Variants in ZNF222 observed in about 807,000 individuals in gnomAD.
ZNF222 encodes zinc finger protein 222.
A neutral mutation model predicts 11.6 loss-of-function variants in ZNF222; 8 were observed. That is an observed-to-expected ratio of 0.69 (90% CI 0.41 to 1.25). ZNF222 has a LOEUF of 1.25. Among genes scored for constraint, ZNF222 ranks in the 50% most tolerant of loss-of-function variants. The probability of loss-of-function intolerance (pLI) is 0.01; values close to 1 mark genes in which losing one functional copy is unlikely to be tolerated. For missense variants in ZNF222, 483 were observed against 576.1 expected, an observed-to-expected ratio of 0.84 and a Z score of 1.65; for synonymous variants, 171 against 195.6, an observed-to-expected ratio of 0.87 and a Z score of 1.05.
In ZNF222 at chr19:44,031,832, C is replaced by A; in HGVS notation, c.278C>A (p.Thr93Asn). 6.2e-7 allele frequency: 1 copy of A among 1,613,574 alleles called. No individual in the cohort carries two copies. Among genetic ancestry groups the A allele is most frequent in the African/African-American group, 1.3e-5 (1 of 74,990 alleles). ...GTCCTTATAGGAGGCAAGATCCAAA[C>A]TGAGATGGAGACTGTTCCAGAAGCA... ...REGNLGGKIQ[T>N]EMETVPEAGT... The change falls in exon 4 of 4, where the codon ACT (threonine) becomes AAT (asparagine). Residue 93 changes from threonine to asparagine, a missense_variant. Thr to Asn is a moderately conservative substitution (Grantham distance 65). Transcript: ENST00000391960.
At chr19:44,026,139 AGT>A (rs1306809125) in intron 1 of ZNF222, 2 of 1,578,278 alleles carry the variant, frequency 1.3e-6, no homozygotes, top group African/African-American at 2.7e-5. Context: ...CTCAACCGAG[AGT>A]GTGTAGGATT....
At chr19:44,026,633 C>T (rs769679138) in intron 1 of ZNF222, among the ~76,000 whole-genome samples, 18 of 150,970 alleles carry the variant, frequency 1.2e-4, no homozygotes, top group East Asian at 9.7e-4. Context: ...CTGTAACCTC[C>T]GCCTCTCGGG....
rs531380590 is a variant in ZNF222, at chr19:44,032,420, G to T, written c.866G>T (p.Arg289Ile). 144 of 1,614,106 alleles carry T rather than the reference G, an allele frequency of 8.9e-5. No homozygotes were observed. Among genetic ancestry groups the T allele is most frequent in the Non-Finnish European group, 1.1e-4 (133 of 1,180,042 alleles). Reference sequence around the variant, plus strand: ...AATTTCCAGCTTCAGAAACATCACAGAATTCATACTGGGGAGAAGCCATTC... The same window carrying T: ...AATTTCCAGCTTCAGAAACATCACATAATTCATACTGGGGAGAAGCCATTC... ...MHNFQLQKHH[R>I]IHTGEKPFKC... The change falls in exon 4 of 4, where the codon AGA (arginine) becomes ATA (isoleucine). Residue 289 changes from arginine to isoleucine, a missense_variant. Physicochemically the swap from Arg to Ile is moderately conservative, Grantham distance 97. Coordinates refer to ENST00000391960, the MANE Select transcript of ZNF222 (RefSeq NM_001129996.2).
At position 44,027,155 on chromosome 19, in the gene ZNF222, G is replaced by A; in HGVS notation, c.169+6G>A. On this transcript the variant is annotated splice_donor_region_variant and intron_variant, in intron 2 of 3. Coordinates refer to ENST00000391960, the MANE Select transcript of ZNF222 (RefSeq NM_001129996.2). The stretch of plus-strand genomic sequence containing the variant: ...CAGGAACCTGCTCTCAGTGGGTGAG[G>A]ACGGGCACCCCCTGTAATGGAATGT... 1.2e-6 allele frequency: 2 copies of A among 1,613,860 alleles called. No homozygotes were observed. Among genetic ancestry groups the A allele is most frequent in the Non-Finnish European group, 1.7e-6 (2 of 1,179,914 alleles).
At chr19:44,027,531 G>C (rs569741684) in intron 3 of ZNF222, 41 bp downstream of exon 3, 1 of 1,576,794 alleles carries the variant, frequency 6.3e-7, no homozygotes, top group East Asian at 2.2e-5. Flanking sequence ...TGTGATTCCT[G>C]TTACTTCTGT....
Position 44,027,207 on chromosome 19 carries a change from C to T in ZNF222, c.169+58C>T, listed in dbSNP as rs1976396959. On this transcript the variant is annotated intron_variant, in intron 2 of 3. Transcript: ENST00000391960. The stretch of plus-strand genomic sequence containing the variant: ...AGGCCCCAGGAGTGGTTTTTTAATC[C>T]TAGGGTTTTCAAGTTTGAGTGTGCA... 7.5e-6 allele frequency: 12 copies of T among 1,601,810 alleles called. No individual in the cohort carries two copies. In the South Asian group the frequency reaches 1.3e-4, roughly 18 times the overall value.
chr19:44,026,109 T>C (rs781514114), intron 1 of ZNF222: 2 of 1,613,046 alleles, frequency 1.2e-6, no homozygotes, highest in Non-Finnish European at 1.7e-6. Flanking sequence ...TGGCTTTTTT[T>C]CTTTGACAGA....
intron 1 of ZNF222, 92 bp from the exon 2 acceptor site, chr19:44,026,931 A>T: frequency 6.4e-7 from 1 of 1,570,202 alleles, no homozygotes; most frequent in South Asian, 1.2e-5. Flanking sequence ...ATCCAAAACA[A>T]CTTTACACTT....
chr19:44,031,965 T>C lies in ZNF222; in HGVS notation c.411T>C (p.Asp137=). 1 of 1,614,198 alleles carries C rather than the reference T, an allele frequency of 6.2e-7. No homozygotes were observed. Among genetic ancestry groups the C allele is most frequent in the Non-Finnish European group, 8.5e-7 (1 of 1,180,026 alleles). ...TISNSQLFEQ[D]DNPSQIKARL... is the part of the protein sequence containing the mutation. ...GTAACTCTCAGTTATTTGAACAAGA[T>C]GACAACCCCTCCCAGATTAAAGCAA... is the stretch of plus-strand genomic sequence containing the variant. Residue 137 remains aspartate (D), a synonymous_variant, in exon 4 of 4, where the codon GAT becomes GAC. Transcript: ENST00000391960.
chr19:44,032,344 A>G lies in ZNF222; in HGVS notation c.790A>G (p.Met264Val), dbSNP rs777047561. 1.1e-5 allele frequency: 18 copies of G among 1,614,100 alleles called. No homozygotes were observed. The highest frequency in any genetic ancestry group is 1.6e-4 in the Middle Eastern group (1 of 6,084). Residue 264 changes from methionine (M) to valine (V), a missense_variant, in exon 4 of 4, where the codon ATG becomes GTG. By Grantham distance (21) the Met-to-Val change is conservative. Coordinates refer to ENST00000391960, the MANE Select transcript of ZNF222 (RefSeq NM_001129996.2). ...SALKVHCKLH[M>V]REKPYNCEKC... ...ACTTAAAGTTCATTGCAAATTACAC[A>G]TGAGAGAGAAACCTTATAATTGTGA...
chr19:44,032,324 A>C lies in ZNF222; in HGVS notation c.770A>C (p.Lys257Thr). The part of the protein sequence containing the change: ...GKGFRCRSAL[K>T]VHCKLHMREK... ...GGCTTCAGATGTAGATCAGCACTTA[A>C]AGTTCATTGCAAATTACACATGAGA... Residue 257 changes from lysine (K) to threonine (T), a missense_variant, in exon 4 of 4, where the codon AAA (lysine) becomes ACA (threonine). Transcript: ENST00000391960. 6.2e-7 allele frequency: 1 copy of C among 1,614,156 alleles called. No homozygotes were observed. The highest frequency in any genetic ancestry group is 1.1e-5 in the South Asian group (1 of 91,082).
chr19:44,027,854 T>C (rs1051012174), intron 3 of ZNF222, among the ~76,000 whole-genome samples: 10 of 152,182 alleles, frequency 6.6e-5, no homozygotes, highest in African/African-American at 2.4e-4. Flanking sequence ...CCAGGCACCT[T>C]GTCCTCCCTG....
At chr19:44,031,506 G>A (rs571841430) in intron 3 of ZNF222, among the ~76,000 whole-genome samples, 6 of 152,108 alleles carry the variant, frequency 3.9e-5, no homozygotes, top group Admixed American at 1.3e-4. Flanking sequence ...GTTTTGAGAC[G>A]GAGTCTCACT....
rs934513735 is a variant in ZNF222 at position 44,025,697 on chromosome 19, G to A, written c.42+219G>A. Among the ~76,000 whole-genome samples, 6 of 99,580 alleles carry A rather than the reference G, an allele frequency of 6.0e-5. No homozygotes were observed. Among genetic ancestry groups the A allele is most frequent in the African/African-American group, 2.5e-4 (6 of 23,990 alleles). The allele number at this position is 99,580 out of a possible 152,430, so 65.3% of individuals were successfully genotyped here. A position where few individuals can be genotyped will look rare whatever the true frequency, so the allele number is the denominator to read the frequency against. ...TTTATCTTCCATTGCTGGTTCGTTT[G>A]TTTGTTTGTTTTGTAACGGGACTTT... On this transcript the variant is annotated intron_variant, in intron 1 of 3. Coordinates refer to ENST00000391960, the MANE Select transcript of ZNF222 (RefSeq NM_001129996.2). This position sits in a 1 kb window ranked among gnomAD's most constrained non-coding sequence, Gnocchi z 4.6.
intron 3 of ZNF222, 96 bp downstream of exon 3, chr19:44,027,586 T>C: frequency 8.5e-7 from 1 of 1,169,970 alleles, no homozygotes; most frequent in Non-Finnish European, 1.3e-6. Flanking sequence ...CAAACCTGTT[T>C]CCTGGATTAT....
chr19:44,031,584 G>T (rs554548890), intron 3 of ZNF222, among the ~76,000 whole-genome samples: 5 of 152,312 alleles, frequency 3.3e-5, no homozygotes, highest in African/African-American at 1.2e-4. Context: ...CTGGATTTAA[G>T]CGATTCTCCT....
Position 44,027,467 on chromosome 19 carries a change from C to T in ZNF222, c.239C>T (p.Thr80Ile), listed in dbSNP as rs772449815. ...REEKFWVMGTTSQREGNLGGK... is the reference protein window; with the variant it reads ...REEKFWVMGTISQREGNLGGK... Reference sequence around the variant, plus strand: ...GAAAAGTTTTGGGTGATGGGGACAACAAGCCAAAGAGAAGGGAATTTGGGT... The same window carrying T: ...GAAAAGTTTTGGGTGATGGGGACAATAAGCCAAAGAGAAGGGAATTTGGGT... The change falls in exon 3 of 4, where the codon ACA becomes ATA. Residue 80 changes from threonine to isoleucine, a missense_variant. Thr to Ile is a moderately conservative substitution (Grantham distance 89). Coordinates refer to ENST00000391960, the MANE Select transcript of ZNF222 (RefSeq NM_001129996.2). 6 of 1,614,058 alleles carry T rather than the reference C, an allele frequency of 3.7e-6. No homozygotes were observed. Among genetic ancestry groups the T allele is most frequent in the Middle Eastern group, 1.6e-4 (1 of 6,062 alleles).
chr19:44,026,604 G>GC (rs1976375629), intron 1 of ZNF222, among the ~76,000 whole-genome samples: 1 of 149,646 alleles, frequency 6.7e-6, no homozygotes, highest in Non-Finnish European at 1.5e-5. Flanking sequence ...CTGGAGTGCA[G>GC]TGGTGCAATC....
rs935373059 is a variant in ZNF222 at position 44,031,904 on chromosome 19, C to A, written c.350C>A (p.Ala117Glu). The A allele has an allele frequency of 1.2e-6, 2 of 1,614,204 alleles. No individual in the cohort carries two copies. The highest frequency in any genetic ancestry group is 1.7e-6 in the Non-Finnish European group (2 of 1,180,044). ...TGCAAGCAAATTTGGGAACAAATTG[C>A]AAGTGACTTAACCAGGTCTCAAGAT... Reference protein sequence around the residue: ...FSCKQIWEQIASDLTRSQDTT... With the variant: ...FSCKQIWEQIESDLTRSQDTT... Residue 117 changes from alanine to glutamate, a missense_variant, in exon 4 of 4, where the codon GCA becomes GAA. Ala to Glu is a moderately radical substitution (Grantham distance 107). Transcript: ENST00000391960.
Sources: gnomAD v4.1 joint callset for allele counts (sites outside exome capture counted in the v4.1 genomes callset) on GRCh38, gnomAD v4.1.1 for gene constraint, Gnocchi (gnomAD v3.1) non-coding constraint, MANE v1.5 for transcripts, NCBI Gene and HGNC (gene_info 2026-07-23, HGNC 2026-07-21) for gene names.